Variants in IQSEC1 observed in about 807,000 individuals in gnomAD.
IQSEC1 encodes IQ motif and Sec7 domain ArfGEF 1.
In IQSEC1, 31 loss-of-function variants were observed where a neutral mutation model predicts 91.0. The ratio of observed to expected loss-of-function variants is 0.34; its 90% confidence interval spans 0.26 to 0.46. The LOEUF is 0.46. Ranked by LOEUF, IQSEC1 falls within the 20% of genes least tolerant of loss-of-function variation. The pLI is 1.00. For missense variants in IQSEC1, 1,388 were observed against 1,575.6 expected (o/e 0.88, Z 2.02); for synonymous variants, 699 against 662.6 (o/e 1.05, Z -0.84).
At chr3:13,192,128 G>A (rs911869989) in intron 1 of IQSEC1, among the ~76,000 whole-genome samples, 4 of 152,136 alleles carry the variant, frequency 2.6e-5, no homozygotes, top group African/African-American at 9.7e-5. Context: ...GAGGTCAGGA[G>A]ATCGAGACCA....
intron 1 of IQSEC1, among the ~76,000 whole-genome samples, chr3:13,245,451 G>A (rs901086020): frequency 2.6e-5 from 4 of 152,216 alleles, no homozygotes; most frequent in Non-Finnish European, 5.9e-5. Context: ...GATGGGAGAC[G>A]CTGAACAGTC....
intron 3 of IQSEC1, among the ~76,000 whole-genome samples, chr3:12,929,527 G>A (rs114464807): frequency 6.6e-6 from 1 of 152,282 alleles, no homozygotes; most frequent in African/African-American, 2.4e-5. Context: ...CTGGCTCCAG[G>A]TTGCCCAGCA....
rs191294004 is a variant in IQSEC1 at position 13,216,967 on chromosome 3, C to T, written c.273-52834G>A. ...CGACGCAGGCAAGGTGAACACACTG[C>T]AAAACTTAGCTGATGACAGGAGCCC... On this transcript the variant is annotated intron_variant, in intron 1 of 15. Transcript: ENST00000648114. Among the ~76,000 whole-genome samples, 346 of 152,258 alleles carry T rather than the reference C, an allele frequency of 2.3e-3. 2 individuals are homozygous for T. The highest frequency in any genetic ancestry group is 7.4e-3 in the African/African-American group (309 of 41,552).
At chr3:13,099,657 T>C (rs1047561038) in intron 2 of IQSEC1, among the ~76,000 whole-genome samples, 3 of 152,216 alleles carry the variant, frequency 2.0e-5, no homozygotes, top group Non-Finnish European at 4.4e-5. Flanking sequence ...TCCTTCATTC[T>C]GGGTTTTAGG....
chr3:12,902,020 G>A (rs1283043770), intron 13 of IQSEC1, among the ~76,000 whole-genome samples: 2 of 152,082 alleles, frequency 1.3e-5, no homozygotes, highest in Admixed American at 1.3e-4. Flanking sequence ...GAGGTCTCGG[G>A]GGAGGTGGTG....
rs1459414777 is a variant in IQSEC1 at position 12,922,563 on chromosome 3, C to T, written c.1731-321G>A. Among the ~76,000 whole-genome samples, 1 of 152,162 alleles carries T rather than the reference C, an allele frequency of 6.6e-6. No individual in the cohort carries two copies. Among genetic ancestry groups the T allele is most frequent in the African/African-American group, 2.4e-5 (1 of 41,434 alleles). ...AAGAGACAAGCATTTTTAAGCACAGCCCTCACCAGGCACACAGTGGACGCC... is the reference window on the plus strand; with the variant it reads ...AAGAGACAAGCATTTTTAAGCACAGTCCTCACCAGGCACACAGTGGACGCC... On this transcript the variant is annotated intron_variant, in intron 4 of 13. Coordinates refer to ENST00000613206, the MANE Select transcript of IQSEC1 (RefSeq NM_001134382.3). This position sits in a 1 kb window ranked among gnomAD's most constrained non-coding sequence, Gnocchi z 5.1.
At chr3:13,209,147 G>A (rs1232294989) in intron 1 of IQSEC1, among the ~76,000 whole-genome samples, 1 of 152,186 alleles carries the variant, frequency 6.6e-6, no homozygotes, top group Non-Finnish European at 1.5e-5. Context: ...CAGGGGCAGG[G>A]ACACATGTGG....
chr3:13,113,390 C>T (rs1374471992), intron 2 of IQSEC1, among the ~76,000 whole-genome samples: 1 of 152,220 alleles, frequency 6.6e-6, no homozygotes, highest in African/African-American at 2.4e-5. Context: ...CCCTTGACCT[C>T]TCTGGGCCTC....
At chr3:13,247,159 C>A (rs188646040) in intron 1 of IQSEC1, among the ~76,000 whole-genome samples, 80 of 152,270 alleles carry the variant, frequency 5.3e-4, no homozygotes, top group Admixed American at 2.6e-3. Context: ...CTGCAGGGGA[C>A]GGTTGCTAAC....
intron 2 of IQSEC1, among the ~76,000 whole-genome samples, chr3:13,149,752 G>A (rs1047939715): frequency 1.3e-5 from 2 of 152,080 alleles, no homozygotes; most frequent in Non-Finnish European, 2.9e-5. Flanking sequence ...CTGCCCCAAG[G>A]CCCAGCCGCA....
At chr3:13,264,940 C>T (rs1695462109) in intron 1 of IQSEC1, among the ~76,000 whole-genome samples, 1 of 152,016 alleles carries the variant, frequency 6.6e-6, no homozygotes, top group Non-Finnish European at 1.5e-5. Flanking sequence ...TTCTGTCTCT[C>T]TGTGTCTCTC....
chr3:13,052,863 C>G, intron 1 of IQSEC1: 1 of 680,824 alleles, frequency 1.5e-6, no homozygotes, highest in Non-Finnish European at 2.6e-6. Flanking sequence ...CCCAATAAAA[C>G]ATGTCCAACT....
rs571298614 is a variant in IQSEC1 at position 13,116,248 on chromosome 3, G to A, written c.302+47856C>T. 3.3e-5 allele frequency among the ~76,000 whole-genome samples: 5 copies of A among 152,342 alleles called. No homozygotes were observed. The South Asian group carries it at 6.2e-4, about 19-fold the overall frequency. ...GGGCCCAGGGGCAGCCGATGGGGCC[G>A]TGCAGGTAGGAGCTATATGTGGGGG... On this transcript the variant is annotated intron_variant, in intron 2 of 15. Transcript: ENST00000648114.
chr3:13,139,182 CT>C (rs1706759786), intron 2 of IQSEC1, among the ~76,000 whole-genome samples: 1 of 152,224 alleles, frequency 6.6e-6, no homozygotes, highest in Non-Finnish European at 1.5e-5. Flanking sequence ...ACTCAAGGGC[CT>C]CGTGGGCTAA....
chr3:12,951,933 G>A (rs1386500443), intron 1 of IQSEC1, among the ~76,000 whole-genome samples: 4 of 152,186 alleles, frequency 2.6e-5, no homozygotes, highest in African/African-American at 4.8e-5. Flanking sequence ...GGTCTGGGAC[G>A]GAGGGGCTGG....
chr3:12,912,957 A>G (rs1356707411), intron 9 of IQSEC1, among the ~76,000 whole-genome samples: 1 of 152,238 alleles, frequency 6.6e-6, no homozygotes, highest in East Asian at 1.9e-4. Flanking sequence ...CCAATCAGAA[A>G]GCACTGCACC....
At chr3:13,074,725 A>G (rs1234449316), upstream of IQSEC1, among the ~76,000 whole-genome samples, 6 of 152,204 alleles carry the variant, frequency 3.9e-5, no homozygotes, top group Admixed American at 3.9e-4. Context: ...AGTAGTTGAG[A>G]CTGGGAATCG....
In IQSEC1 at chr3:12,897,973, AAG is replaced by A. The variant is rs1423622738; in HGVS notation, c.*3008_*3009del. On this transcript the variant is annotated 3_prime_UTR_variant, in exon 14 of 14. Transcript: ENST00000613206. ...ACATGATTTGATTGTTGTCCCAGAAAAGACTTTTGTCACATTGCCAGCTGTTT... is the reference window on the plus strand; with the variant it reads ...ACATGATTTGATTGTTGTCCCAGAAAACTTTTGTCACATTGCCAGCTGTTT... 1 of 152,248 alleles carries A rather than the reference AAG, an allele frequency of 6.6e-6. No individual in the cohort carries two copies. Among genetic ancestry groups the A allele is most frequent in the Non-Finnish European group, 1.5e-5 (1 of 68,046 alleles). The allele number at this position is 152,248 out of a possible 1,614,324, so 9.4% of individuals were successfully genotyped here. A position where few individuals can be genotyped will look rare whatever the true frequency, so the allele number is the denominator to read the frequency against.
intron 1 of IQSEC1, among the ~76,000 whole-genome samples, chr3:13,023,923 C>G (rs149945644): frequency 1.3e-5 from 2 of 152,198 alleles, no homozygotes; most frequent in African/African-American, 4.8e-5. Context: ...CTTGAACACC[C>G]CCAATGATGT....
Sources: allele counts gnomAD v4.1 joint callset (sites outside exome capture counted in the v4.1 genomes callset), GRCh38; gene constraint gnomAD v4.1.1; non-coding constraint Gnocchi (gnomAD v3.1); transcripts MANE v1.5; gene names NCBI Gene and HGNC (gene_info 2026-07-23, HGNC 2026-07-21).